SPEN: variants seen among roughly 807,000 people sequenced by gnomAD.
The protein encoded by SPEN is spen family transcriptional repressor, also known as msx2-interacting protein.
SPEN carries 18 observed loss-of-function variants against 269.9 expected under a neutral mutation model. That is an observed-to-expected ratio of 0.07 (90% CI 0.05 to 0.10). The LOEUF is 0.10. SPEN is among the 10% of genes least tolerant of loss of function. The probability of loss-of-function intolerance (pLI) is 1.00; values close to 1 mark genes in which losing one functional copy is unlikely to be tolerated. For synonymous variants in SPEN, 1,726 were observed against 1,765.7 expected (o/e 0.98, Z 0.56); for missense variants, 3,822 against 4,631.2 (o/e 0.83, Z 5.07).
intron 3 of SPEN, among the ~76,000 whole-genome samples, chr1:15,891,916 A>C (rs1393055478): frequency 1.3e-5 from 2 of 151,894 alleles, no homozygotes; most frequent in African/African-American, 4.8e-5. Flanking sequence ...TAAAAAAAAA[A>C]AACTTATTTA....
In SPEN at chr1:15,933,700, G is replaced by C; in HGVS notation, c.7460G>C (p.Gly2487Ala). Residue 2487 changes from glycine (G) to alanine (A), a missense_variant, in exon 11 of 15, where the codon GGG becomes GCG. By Grantham distance (60) the Gly-to-Ala change is moderately conservative. This residue lies in a region of SPEN where 727 missense variants were observed against 737.9 expected (regional missense o/e 0.99). Transcript: ENST00000375759. The surrounding 1 kb of genome is among the most constrained non-coding windows in gnomAD (Gnocchi z 5.7). Reference protein sequence around the residue: ...AAKLSPPVASGGIPHQSPPTK... With the variant: ...AAKLSPPVASAGIPHQSPPTK... The stretch of plus-strand genomic sequence containing the variant: ...AAGCTCTCACCTCCTGTCGCCTCTG[G>C]GGGGATCCCACACCAGAGCCCCCCT... The C allele has an allele frequency of 1.2e-6, 2 of 1,614,052 alleles. No homozygotes were observed. The highest frequency in any genetic ancestry group is 1.7e-6 in the Non-Finnish European group (2 of 1,180,008).
chr1:15,850,777 AC>A (rs1370334783), intron 1 of SPEN, among the ~76,000 whole-genome samples: 2 of 152,202 alleles, frequency 1.3e-5, no homozygotes, highest in Non-Finnish European at 1.5e-5. Context: ...TTGTACCAGA[AC>A]GATGGCTCTG....
At chr1:15,880,442 T>C (rs1357997628) in intron 3 of SPEN, among the ~76,000 whole-genome samples, 2 of 151,514 alleles carry the variant, frequency 1.3e-5, no homozygotes, top group African/African-American at 4.9e-5. Context: ...ACAAATTTTA[T>C]GTAATTATAG....
At position 15,929,333 on chromosome 1, in the gene SPEN, G is replaced by A. The variant is rs766553125; in HGVS notation, c.3093G>A (p.Arg1031=). The change falls in exon 11 of 15, where the codon AGG becomes AGA. Residue 1031 remains arginine (R), a synonymous_variant. Coordinates refer to ENST00000375759, the MANE Select transcript of SPEN (RefSeq NM_015001.3). The surrounding 1 kb of genome is among the most constrained non-coding windows in gnomAD (Gnocchi z 5.8). ...CCTCTAGAGAGGTCATTCTGCTGAGGGAAGGAGAGGCTGAAAGAAAGCCTG... is the reference window on the plus strand; with the variant it reads ...CCTCTAGAGAGGTCATTCTGCTGAGAGAAGGAGAGGCTGAAAGAAAGCCTG... ...DVSSREVILL[R]EGEAERKPVR... The A allele has an allele frequency of 3.7e-6, 6 of 1,613,558 alleles. No homozygotes were observed. The highest frequency in any genetic ancestry group is 5.1e-6 in the Non-Finnish European group (6 of 1,179,850).
chr1:15,919,558 C>T (rs2071097315), intron 8 of SPEN, 41 bp downstream of exon 8: 2 of 1,280,622 alleles, frequency 1.6e-6, no homozygotes, highest in Middle Eastern at 1.9e-4. Context: ...ACTTCTGACT[C>T]ACTCGTCTTG....
rs2071329098 is a variant in SPEN, at chr1:15,940,156, TAC to T, written c.*730_*731del. ...ACTTAAAAAATCAAATCCCCCGACA[TAC>T]GTTTTTTTTAATCTGTGCCAAAAAT... On this transcript the variant is annotated 3_prime_UTR_variant, in exon 15 of 15. Transcript: ENST00000375759. 1.3e-5 allele frequency: 3 copies of T among 226,658 alleles called. No homozygotes were observed. The highest frequency in any genetic ancestry group is 4.5e-5 in the African/African-American group (2 of 44,878). 14.0% of individuals were successfully genotyped at this position (226,658 alleles called of 1,614,324 possible). A position where few individuals can be genotyped will look rare whatever the true frequency, so the allele number is the denominator to read the frequency against.
intron 10 of SPEN, among the ~76,000 whole-genome samples, chr1:15,922,819 G>C (rs1402012984): frequency 6.6e-6 from 1 of 152,090 alleles, no homozygotes; most frequent in Non-Finnish European, 1.5e-5. Context: ...TCTCCATGTT[G>C]TCTAGGCTGG....
chr1:15,909,219 G>T (rs2070989226), intron 3 of SPEN, 102 bp from the exon 4 acceptor site: 2 of 1,285,638 alleles, frequency 1.6e-6, no homozygotes, highest in Non-Finnish European at 2.2e-6. Flanking sequence ...AGAAATTCCA[G>T]TCTGAAAATT....
chr1:15,859,140 GT>G (rs34623941), intron 1 of SPEN, among the ~76,000 whole-genome samples: 1,943 of 135,676 alleles, frequency 0.014, 51 homozygotes, highest in Admixed American at 0.074. Flanking sequence ...TTCTTTTTTA[GT>G]TTTTTTTTTT....
rs113837976 is a variant in SPEN at position 15,935,861 on chromosome 1, C to T, written c.9621C>T (p.Ser3207=). 3.4e-3 allele frequency: 5,549 copies of T among 1,613,626 alleles called. 168 individuals are homozygous for T. In the African/African-American group the frequency reaches 0.059, roughly 17 times the overall value. The change falls in exon 11 of 15, where the codon AGC becomes AGT. Residue 3207 remains serine, a synonymous_variant. Coordinates refer to ENST00000375759, the MANE Select transcript of SPEN (RefSeq NM_015001.3). The surrounding 1 kb of genome is among the most constrained non-coding windows in gnomAD (Gnocchi z 7.7). ...TGCATCCACATGTGACGGCAGTCAG[C>T]GAGCAGCCCAGGGCCGCGGATGGGG... is the stretch of plus-strand genomic sequence containing the variant. ...IMVHPHVTAV[S]EQPRAADGVV...
intron 3 of SPEN, among the ~76,000 whole-genome samples, chr1:15,903,760 G>T (rs1179436464): frequency 1.3e-5 from 2 of 152,216 alleles, no homozygotes; most frequent in Non-Finnish European, 2.9e-5. Flanking sequence ...CTCCAGAGTA[G>T]CTGGGACTAT....
rs2148738367 is a variant in SPEN at position 15,929,095 on chromosome 1, TGGA to T, written c.2857_2859del (p.Glu953del). ...GGGCTTTCAAGCCATGTTGAAGTGG[TGGA>T]GAAGGAAGGCAGGCTTAAAGCCAGG... On this transcript the variant is annotated inframe_deletion, in exon 11 of 15. Coordinates refer to ENST00000375759, the MANE Select transcript of SPEN (RefSeq NM_015001.3). This position sits in a 1 kb window ranked among gnomAD's most constrained non-coding sequence, Gnocchi z 5.8. The T allele has an allele frequency of 1.2e-6, 2 of 1,614,064 alleles. No individual in the cohort carries two copies. The highest frequency in any genetic ancestry group is 1.7e-6 in the Non-Finnish European group (2 of 1,180,018).
rs187496839 is a variant in SPEN at position 15,920,862 on chromosome 1, T to C, written c.1636-8T>C. On this transcript the variant is annotated splice_polypyrimidine_tract_variant and splice_region_variant and intron_variant, in intron 8 of 14. Coordinates refer to ENST00000375759, the MANE Select transcript of SPEN (RefSeq NM_015001.3). ...CTCTTACTTGTTTTTTGTTTGTTTG[T>C]TTTACAGGTGGTGTTTGACCGCTTA... 1.5e-4 allele frequency: 242 copies of C among 1,572,680 alleles called. No homozygotes were observed. In the African/African-American group the frequency reaches 2.9e-3, roughly 19 times the overall value.
chr1:15,899,431 C>T (rs1351156765), intron 3 of SPEN, among the ~76,000 whole-genome samples: 1 of 151,900 alleles, frequency 6.6e-6, no homozygotes, highest in Non-Finnish European at 1.5e-5. Flanking sequence ...CTGCCTGCCT[C>T]GCCCTTCCAA....
Position 15,937,890 on chromosome 1 carries a change from A to G in SPEN, c.10588A>G (p.Asn3530Asp). 1 of 1,614,162 alleles carries G rather than the reference A, an allele frequency of 6.2e-7. No homozygotes were observed. Among genetic ancestry groups the G allele is most frequent in the Non-Finnish European group, 8.5e-7 (1 of 1,180,026 alleles). Residue 3530 changes from asparagine (N) to aspartate (D), a missense_variant, in exon 13 of 15, where the codon AAC becomes GAC. Coordinates refer to ENST00000375759, the MANE Select transcript of SPEN (RefSeq NM_015001.3). This position sits in a 1 kb window ranked among gnomAD's most constrained non-coding sequence, Gnocchi z 5.7. ...AAVQLHFVSG[N>D]NVLAHRSLPL... Reference sequence around the variant, plus strand: ...TGTGCAGCTCCACTTCGTCTCTGGCAACAACGTCCTGGCCCATCGGTCCCT... The same window carrying G: ...TGTGCAGCTCCACTTCGTCTCTGGCGACAACGTCCTGGCCCATCGGTCCCT...
rs1186701643 is a variant in SPEN, at chr1:15,918,953, G to GTT, written c.1424_1425dup (p.Pro476PhefsTer47). The stretch of plus-strand genomic sequence containing the variant: ...TATTGACATTAAGAAAGTAAATGGA[G>GTT]TTCCTCAGTATGCGTTTCTGCAATA... On this transcript the variant is annotated frameshift_variant, in exon 7 of 15. Coordinates refer to ENST00000375759, the MANE Select transcript of SPEN (RefSeq NM_015001.3). LOFTEE classifies it high-confidence loss of function. 6.2e-7 allele frequency: 1 copy of GTT among 1,609,934 alleles called. No homozygotes were observed. The highest frequency in any genetic ancestry group is 8.5e-7 in the Non-Finnish European group (1 of 1,178,320).
intron 3 of SPEN, among the ~76,000 whole-genome samples, chr1:15,906,945 T>G (rs2148726979): frequency 6.6e-6 from 1 of 151,798 alleles, no homozygotes; most frequent in East Asian, 1.9e-4. Context: ...AGCTAATTTT[T>G]TAATTTTTCT....
chr1:15,939,619 GT>G lies in SPEN; in HGVS notation c.*195del. 1 of 562,268 alleles carries G rather than the reference GT, an allele frequency of 1.8e-6. No homozygotes were observed. The highest frequency in any genetic ancestry group is 2.9e-6 in the Non-Finnish European group (1 of 347,764). 34.8% of individuals were successfully genotyped at this position (562,268 alleles called of 1,614,324 possible). On this transcript the variant is annotated 3_prime_UTR_variant, in exon 15 of 15. Transcript: ENST00000375759. This position sits in a 1 kb window ranked among gnomAD's most constrained non-coding sequence, Gnocchi z 4.1. ...TAGGAGTGGTGCTGCTACCTTGTAT[GT>G]TTACATAATGCTTTAGCCCAAGGAC...
Position 15,929,140 on chromosome 1 carries a change from A to T in SPEN, c.2900A>T (p.Glu967Val), listed in dbSNP as rs768693727. Residue 967 changes from glutamate (E) to valine (V), a missense_variant, in exon 11 of 15, where the codon GAG (glutamate) becomes GTG (valine). Physicochemically the swap from Glu to Val is moderately radical, Grantham distance 121. Around this residue, in one of 16 missense-constraint regions of SPEN, gnomAD observed 572 missense variants for 582.6 expected, o/e 0.98. Transcript: ENST00000375759. This position sits in a 1 kb window ranked among gnomAD's most constrained non-coding sequence, Gnocchi z 5.8. ...AAAGCCAGGAAGCACCTCAAGCCTG[A>T]GCAGCCTGCAGATGGGGTAAGTGCT... ...RLKARKHLKP[E>V]QPADGVSAVD... is the part of the protein sequence containing the mutation. 2.5e-6 allele frequency: 4 copies of T among 1,614,222 alleles called. No individual in the cohort carries two copies. The South Asian group carries it at 4.4e-5, about 18-fold the overall frequency.
Sources: allele counts gnomAD v4.1 joint callset (sites outside exome capture counted in the v4.1 genomes callset), GRCh38; gene constraint gnomAD v4.1.1; regional missense constraint gnomAD v4.1.1; non-coding constraint Gnocchi (gnomAD v3.1); transcripts MANE v1.5; gene names NCBI Gene and HGNC (gene_info 2026-07-23, HGNC 2026-07-21).